The following FAT3 variants were observed in gnomAD, a reference collection of about 807,000 sequenced individuals.
FAT3 encodes protocadherin Fat 3.
A neutral mutation model predicts 310.2 loss-of-function variants in FAT3; 95 were observed. The ratio of observed to expected loss-of-function variants is 0.31; its 90% confidence interval spans 0.26 to 0.36. The LOEUF is 0.36. Among genes scored for constraint, FAT3 ranks in the 10% least tolerant of loss-of-function variants. The probability of loss-of-function intolerance (pLI) is 1.00; values close to 1 mark genes in which losing one functional copy is unlikely to be tolerated. For synonymous variants in FAT3, 2,314 were observed against 2,192.9 expected, an observed-to-expected ratio of 1.06 and a Z score of -1.54; for missense variants, 5,408 against 5,715.6, an observed-to-expected ratio of 0.95 and a Z score of 1.74.
At chr11:92,652,369 T>A (rs1470247230) in intron 3 of FAT3, among the ~76,000 whole-genome samples, 2 of 152,226 alleles carry the variant, frequency 1.3e-5, no homozygotes, top group African/African-American at 4.8e-5. Flanking sequence ...AACATAATTT[T>A]AAAATATTTA....
intron 2 of FAT3, among the ~76,000 whole-genome samples, chr11:92,466,623 A>G (rs908760242): frequency 1.3e-5 from 2 of 151,090 alleles, no homozygotes; most frequent in Admixed American, 6.6e-5. Flanking sequence ...GGGTACATGT[A>G]CACAATGTGC....
At chr11:92,249,122 T>G (rs560744315) in intron 1 of FAT3, among the ~76,000 whole-genome samples, 2 of 152,194 alleles carry the variant, frequency 1.3e-5, no homozygotes, top group African/African-American at 4.8e-5. Context: ...TTAAAACACT[T>G]ATTTGTTATT....
At chr11:92,661,372 A>G (rs1357890748) in intron 3 of FAT3, among the ~76,000 whole-genome samples, 1 of 152,238 alleles carries the variant, frequency 6.6e-6, no homozygotes, top group African/African-American at 2.4e-5. Context: ...GCAGTCATCC[A>G]TGATATATCT....
At position 92,489,269 on chromosome 11, in the gene FAT3, G is replaced by T. The variant is rs1376452659; in HGVS notation, c.3293-35365G>T. On this transcript the variant is annotated intron_variant, in intron 2 of 27. Transcript: ENST00000525166. ...ACTTAGGGCAGTACCTGGCAGAACA[G>T]GAATAGTAAAAAATTACAATATATA... is the stretch of plus-strand genomic sequence containing the variant. Among the ~76,000 whole-genome samples, 6 of 152,074 alleles carry T rather than the reference G, an allele frequency of 3.9e-5. No individual in the cohort carries two copies. In the East Asian group the frequency reaches 1.2e-3, roughly 29 times the overall value.
chr11:92,447,191 G>A (rs1951234664), intron 2 of FAT3, among the ~76,000 whole-genome samples: 1 of 150,004 alleles, frequency 6.7e-6, no homozygotes, highest in South Asian at 2.1e-4. Context: ...GTGTATATGT[G>A]TGTTCATATA....
intron 21 of FAT3, among the ~76,000 whole-genome samples, chr11:92,861,322 A>C (rs1949116720): frequency 6.6e-6 from 1 of 152,208 alleles, no homozygotes; most frequent in African/African-American, 2.4e-5. Flanking sequence ...GAGAGAGAAC[A>C]AAAATATTGA....
chr11:92,366,931 A>G (rs1949037839), intron 2 of FAT3: 12 of 531,298 alleles, frequency 2.3e-5, no homozygotes, highest in South Asian at 1.1e-4. Context: ...GGGCCTCGCC[A>G]TGCTTTGCAG....
At chr11:92,674,218 TAAA>T (rs1411022286) in intron 3 of FAT3, among the ~76,000 whole-genome samples, 2 of 146,644 alleles carry the variant, frequency 1.4e-5, no homozygotes, top group Non-Finnish European at 3.0e-5. Context: ...ATAATAATAA[TAAA>T]GAGACACTTG....
In FAT3 at chr11:92,321,423, C is replaced by A. The variant is rs559453047; in HGVS notation, c.-17-30673C>A. Among the ~76,000 whole-genome samples the A allele has an allele frequency of 1.3e-3, 190 of 148,178 alleles. 1 individual carries two copies. Among genetic ancestry groups the A allele is most frequent in the African/African-American group, 4.4e-3 (178 of 40,084 alleles). ...CTGCACTCCAGCCTGAGCAACAGGG[C>A]GAGACTCCGTCTCAAAAAAAAAAAA... On this transcript the variant is annotated intron_variant, in intron 1 of 27. Transcript: ENST00000525166.
Position 92,353,960 on chromosome 11 carries a change from T to A in FAT3, c.1848T>A (p.Ile616=). 6.2e-7 allele frequency: 1 copy of A among 1,612,552 alleles called. No homozygotes were observed. Residue 616 remains isoleucine (I), a synonymous_variant, in exon 2 of 28, where the codon ATT becomes ATA. Transcript: ENST00000525166. The part of the protein sequence containing the change: ...DELELVKYKI[I]SGNELGFFYL... The stretch of plus-strand genomic sequence containing the variant: ...TTGAACTTGTAAAGTACAAAATCAT[T>A]TCTGGAAATGAACTTGGCTTCTTTT...
chr11:92,818,740 C>A (rs1384412311), intron 13 of FAT3, among the ~76,000 whole-genome samples: 1 of 152,138 alleles, frequency 6.6e-6, no homozygotes, highest in African/African-American at 2.4e-5. Context: ...TTCCCTTTGC[C>A]GACCTCAAAG....
At chr11:92,869,785 A>C (rs1591834700) in intron 22 of FAT3, among the ~76,000 whole-genome samples, 2 of 152,232 alleles carry the variant, frequency 1.3e-5, no homozygotes, top group East Asian at 3.8e-4. Context: ...TTTAAAAAGA[A>C]CAATAAGACT....
intron 2 of FAT3, among the ~76,000 whole-genome samples, chr11:92,411,814 G>C (rs898923906): frequency 6.6e-6 from 1 of 151,926 alleles, no homozygotes; most frequent in Non-Finnish European, 1.5e-5. Flanking sequence ...TGCATTCTCG[G>C]TGGAATTGTG....
At chr11:92,804,768 G>C (rs1359680916) in intron 10 of FAT3, among the ~76,000 whole-genome samples, 1 of 152,178 alleles carries the variant, frequency 6.6e-6, no homozygotes, top group Non-Finnish European at 1.5e-5. Context: ...TAATGAAATT[G>C]TCTTGGTAAC....
chr11:92,822,766 C>T lies in FAT3; in HGVS notation c.9482-8856C>T, dbSNP rs554240796. ...TGCTAACTATAATTGGTTATAACACCTCTGGTAACTTGCAGTTGCCTCTGA... is the reference window on the plus strand; with the variant it reads ...TGCTAACTATAATTGGTTATAACACTTCTGGTAACTTGCAGTTGCCTCTGA... On this transcript the variant is annotated intron_variant, in intron 13 of 27. Transcript: ENST00000525166. Among the ~76,000 whole-genome samples the T allele has an allele frequency of 8.5e-5, 13 of 152,258 alleles. No homozygotes were observed. The East Asian group carries it at 2.5e-3, about 29-fold the overall frequency.
chr11:92,670,027 T>C (rs1943080663), intron 3 of FAT3, among the ~76,000 whole-genome samples: 1 of 152,222 alleles, frequency 6.6e-6, no homozygotes, highest in Admixed American at 6.5e-5. Context: ...TTCTAAGCTG[T>C]CAAATGGCAC....
At position 92,352,870 on chromosome 11, in the gene FAT3, A is replaced by G. The variant is rs1289835002; in HGVS notation, c.758A>G (p.Tyr253Cys). The change falls in exon 2 of 28, where the codon TAT (tyrosine) becomes TGT (cysteine). Residue 253 changes from tyrosine (Y) to cysteine (C), a missense_variant. Physicochemically the swap from Tyr to Cys is radical, Grantham distance 194. Transcript: ENST00000525166. ...NNGVSSTAKL[Y>C]VHIERINEHA... The stretch of plus-strand genomic sequence containing the variant: ...GGAGTGAGCAGTACTGCAAAGCTTT[A>G]TGTTCACATTGAGCGCATAAATGAA... The G allele has an allele frequency of 1.9e-6, 3 of 1,613,778 alleles. No homozygotes were observed. The highest frequency in any genetic ancestry group is 2.2e-5 in the South Asian group (2 of 91,078).
chr11:92,491,525 G>A (rs1214651417), intron 2 of FAT3, among the ~76,000 whole-genome samples: 1 of 151,976 alleles, frequency 6.6e-6, no homozygotes, highest in African/African-American at 2.4e-5. Context: ...GACAATGGAA[G>A]GAAAGGCATT....
intron 2 of FAT3, among the ~76,000 whole-genome samples, chr11:92,418,584 G>C (rs551023391): frequency 1.3e-5 from 2 of 151,914 alleles, no homozygotes; most frequent in Non-Finnish European, 2.9e-5. Context: ...CTTTGGTAAG[G>C]ATGCTACTTA....
Sources: allele counts gnomAD v4.1 joint callset (sites outside exome capture counted in the v4.1 genomes callset), GRCh38; gene constraint gnomAD v4.1.1; transcripts MANE v1.5; gene names NCBI Gene and HGNC (gene_info 2026-07-23, HGNC 2026-07-21).